The following TENM4 variants were observed in gnomAD, a reference collection of about 807,000 sequenced individuals.
TENM4 encodes the protein teneurin transmembrane protein 4, also known as teneurin-4.
A neutral mutation model predicts 243.3 loss-of-function variants in TENM4; 82 were observed. The ratio of observed to expected loss-of-function variants is 0.34; its 90% CI spans 0.28 to 0.40. The LOEUF (loss-of-function observed/expected upper bound fraction) is 0.40. Among genes scored for constraint, TENM4 ranks in the 10% least tolerant of loss-of-function variants. The pLI, the probability that TENM4 is intolerant of heterozygous loss-of-function variation, is 1.00. For missense variants in TENM4, 3,138 were observed against 3,673.3 expected, an observed-to-expected ratio of 0.85 and a Z score of 3.77; for synonymous variants, 1,412 against 1,456.3, an observed-to-expected ratio of 0.97 and a Z score of 0.69.
At chr11:79,064,562 C>T (rs1860189486) in intron 6 of TENM4, 176 bp downstream of exon 6, 1 of 802,090 alleles carries the variant, frequency 1.2e-6, no homozygotes, top group Non-Finnish European at 1.9e-6. Context: ...GCATGTCACT[C>T]ATGGGTGGGC....
intron 9 of TENM4, among the ~76,000 whole-genome samples, chr11:78,867,178 T>C (rs924359556): frequency 1.3e-5 from 2 of 152,212 alleles, no homozygotes; most frequent in African/African-American, 2.4e-5. Context: ...CCTGTTGTGC[T>C]ATCAAATAGC....
intron 3 of TENM4, among the ~76,000 whole-genome samples, chr11:79,174,511 T>C (rs1232875815): frequency 6.6e-6 from 1 of 152,216 alleles, no homozygotes. Context: ...TCATCGGCTC[T>C]TCCAGATCCA....
At chr11:78,909,924 T>C (rs932150967) in intron 6 of TENM4, among the ~76,000 whole-genome samples, 4 of 152,106 alleles carry the variant, frequency 2.6e-5, no homozygotes. Flanking sequence ...CATTAGTATG[T>C]GAGGAAGATT....
intron 6 of TENM4, among the ~76,000 whole-genome samples, chr11:78,910,717 A>G (rs1373524897): frequency 6.6e-6 from 1 of 152,260 alleles, no homozygotes; most frequent in Non-Finnish European, 1.5e-5. Flanking sequence ...AATGAAGTCC[A>G]CAATGTAACC....
chr11:79,249,947 C>T lies in TENM4; in HGVS notation c.-264-34038G>A, dbSNP rs1265177782. Among the ~76,000 whole-genome samples, 4 of 152,198 alleles carry T rather than the reference C, an allele frequency of 2.6e-5. No homozygotes were observed. In the East Asian group the frequency reaches 7.7e-4, roughly 29 times the overall value. ...TATTACGTAAACTTTTATTGTGCATCAGTGATTCCCAGCACACTGCCTATT... is the reference window on the plus strand; with the variant it reads ...TATTACGTAAACTTTTATTGTGCATTAGTGATTCCCAGCACACTGCCTATT... On this transcript the variant is annotated intron_variant, in intron 2 of 33. Transcript: ENST00000278550.
chr11:79,019,424 C>T (rs914476795), intron 6 of TENM4, among the ~76,000 whole-genome samples: 1 of 152,176 alleles, frequency 6.6e-6, no homozygotes, highest in Non-Finnish European at 1.5e-5. Flanking sequence ...AACTCTTCTA[C>T]CTCTATAACC....
intron 6 of TENM4, among the ~76,000 whole-genome samples, chr11:78,911,005 A>G (rs970875503): frequency 6.6e-6 from 1 of 152,188 alleles, no homozygotes; most frequent in African/African-American, 2.4e-5. Context: ...TAATATGGCT[A>G]TTTCTGCTTC....
intron 4 of TENM4, among the ~76,000 whole-genome samples, chr11:79,082,292 C>T (rs973182553): frequency 3.9e-5 from 6 of 152,150 alleles, no homozygotes; most frequent in Admixed American, 1.3e-4. Context: ...TAGCACAAAT[C>T]CACTCCCTCG....
At chr11:78,961,357 C>T (rs1857316740) in intron 6 of TENM4, among the ~76,000 whole-genome samples, 1 of 152,188 alleles carries the variant, frequency 6.6e-6, no homozygotes, top group South Asian at 2.1e-4. Flanking sequence ...TGCAAAGAAG[C>T]TGACTGGCCT....
intron 4 of TENM4, among the ~76,000 whole-genome samples, chr11:79,080,805 A>T (rs1860649493): frequency 6.6e-6 from 1 of 152,212 alleles, no homozygotes; most frequent in South Asian, 2.1e-4. Flanking sequence ...CCCTTTTCCT[A>T]GAAAACCCCT....
chr11:79,053,776 G>A (rs933137531), intron 6 of TENM4, among the ~76,000 whole-genome samples: 7 of 152,038 alleles, frequency 4.6e-5, no homozygotes, highest in Non-Finnish European at 8.8e-5. Flanking sequence ...CTGCCTCCTG[G>A]GCTTCATGTA....
At chr11:78,807,327 G>A (rs1450672908) in intron 14 of TENM4, among the ~76,000 whole-genome samples, 1 of 152,118 alleles carries the variant, frequency 6.6e-6, no homozygotes, top group African/African-American at 2.4e-5. Flanking sequence ...AGTGCACAAG[G>A]GTTCCAATTA....
chr11:78,877,360 C>T (rs1859294075), intron 9 of TENM4, among the ~76,000 whole-genome samples: 1 of 152,346 alleles, frequency 6.6e-6, no homozygotes, highest in South Asian at 2.1e-4. Flanking sequence ...TGGCCCCTTC[C>T]TAACTTCTCC....
intron 1 of TENM4, among the ~76,000 whole-genome samples, chr11:79,314,037 A>T (rs1262796385): frequency 6.6e-6 from 1 of 152,202 alleles, no homozygotes; most frequent in Admixed American, 6.5e-5. Flanking sequence ...TAATGAGATA[A>T]TCATGTTTGC....
At chr11:78,765,645 T>C (rs1016291873) in intron 18 of TENM4, among the ~76,000 whole-genome samples, 4 of 152,232 alleles carry the variant, frequency 2.6e-5, no homozygotes, top group African/African-American at 7.2e-5. Flanking sequence ...TTAAAAAGCA[T>C]AGGTTCCAAT....
At chr11:78,790,599 G>C (rs968633338) in intron 15 of TENM4, among the ~76,000 whole-genome samples, 1 of 152,230 alleles carries the variant, frequency 6.6e-6, no homozygotes, top group Admixed American at 6.5e-5. Context: ...CAGATAGTAT[G>C]AGAACATTCT....
chr11:78,916,213 C>G (rs1856312688), intron 6 of TENM4, among the ~76,000 whole-genome samples: 1 of 152,208 alleles, frequency 6.6e-6, no homozygotes. Context: ...GCCTTGATTT[C>G]TTCATCTGTA....
intron 6 of TENM4, among the ~76,000 whole-genome samples, chr11:78,910,829 G>C (rs757856841): frequency 6.6e-6 from 1 of 152,116 alleles, no homozygotes; most frequent in Non-Finnish European, 1.5e-5. Context: ...TCTCACTTTA[G>C]TCCTATGTCA....
chr11:79,190,200 GTC>G (rs1863452395), intron 3 of TENM4, among the ~76,000 whole-genome samples: 1 of 152,142 alleles, frequency 6.6e-6, no homozygotes, highest in Non-Finnish European at 1.5e-5. Flanking sequence ...TTAAAAGATG[GTC>G]ACATTTTTCG....
Sources: gnomAD v4.1 joint callset for allele counts (sites outside exome capture counted in the v4.1 genomes callset) on GRCh38, gnomAD v4.1.1 for gene constraint, MANE v1.5 for transcripts, NCBI Gene and HGNC (gene_info 2026-07-23, HGNC 2026-07-21) for gene names.